MCU: variants seen among roughly 807,000 people sequenced by gnomAD.
MCU encodes the protein calcium uniporter protein, mitochondrial.
In MCU, 12 loss-of-function variants were observed where a neutral mutation model predicts 45.2. The observed-to-expected ratio is 0.27, with a 90% CI of 0.17 to 0.43. MCU has a LOEUF of 0.43. Ranked by LOEUF, MCU falls within the 20% of genes least tolerant of loss-of-function variation. The pLI, the probability that MCU is intolerant of heterozygous loss-of-function variation, is 1.00. For missense variants in MCU, 324 were observed against 436.7 expected (o/e 0.74, Z 2.30); for synonymous variants, 160 against 165.1 (o/e 0.97, Z 0.24).
intron 1 of MCU, among the ~76,000 whole-genome samples, chr10:72,793,054 T>C (rs1421640138): frequency 3.9e-5 from 6 of 152,094 alleles, no homozygotes; most frequent in Admixed American, 6.5e-5. Flanking sequence ...AATTTTTGTA[T>C]TTTTAGTAGA....
rs751912075 is a variant in MCU, at chr10:72,692,187, C to T, written c.36C>T (p.Leu12=). 222 of 1,277,384 alleles carry T rather than the reference C, an allele frequency of 1.7e-4. No individual in the cohort carries two copies. Among genetic ancestry groups the T allele is most frequent in the Non-Finnish European group, 2.1e-4 (216 of 1,005,016 alleles). 79.1% of individuals were successfully genotyped at this position (1,277,384 alleles called of 1,614,324 possible). The part of the protein sequence containing the change: ...AAAAGRSLLL[L]LSSRGGGGGG... ...CCGCAGGTAGATCGCTCCTGCTGCT[C>T]CTCTCCTCTCGGGGCGGCGGCGGCG... Residue 12 remains leucine (L), a synonymous_variant, in exon 1 of 8, where the codon CTC becomes CTT. Transcript: ENST00000373053.
At chr10:72,857,012 T>A (rs1430748708) in intron 2 of MCU, among the ~76,000 whole-genome samples, 8 of 148,216 alleles carry the variant, frequency 5.4e-5, no homozygotes, top group African/African-American at 2.0e-4. Flanking sequence ...AGTGGCACAA[T>A]CATAGCTCAC....
At chr10:72,757,467 T>C (rs1391255219) in intron 1 of MCU, among the ~76,000 whole-genome samples, 1 of 152,174 alleles carries the variant, frequency 6.6e-6, no homozygotes, top group Non-Finnish European at 1.5e-5. Context: ...TCTGTAAAAA[T>C]TGCTAGTTTT....
At chr10:72,794,683 C>T (rs572494415) in intron 1 of MCU, among the ~76,000 whole-genome samples, 1 of 152,230 alleles carries the variant, frequency 6.6e-6, no homozygotes, top group Admixed American at 6.5e-5. Context: ...CAGACCGACA[C>T]CCCCAAATTT....
chr10:72,786,116 A>G (rs978804963), intron 1 of MCU, among the ~76,000 whole-genome samples: 1 of 152,214 alleles, frequency 6.6e-6, no homozygotes, highest in Non-Finnish European at 1.5e-5. Context: ...AGATCATTTC[A>G]TTATATGTGA....
At chr10:72,833,859 GT>G (rs1844914715) in intron 1 of MCU, among the ~76,000 whole-genome samples, 1 of 152,074 alleles carries the variant, frequency 6.6e-6, no homozygotes, top group African/African-American at 2.4e-5. Context: ...GCCTCTCCAG[GT>G]TTTTTAAAAA....
At chr10:72,859,493 C>G in intron 3 of MCU, 146 bp downstream of exon 3, 2 of 613,966 alleles carry the variant, frequency 3.3e-6, no homozygotes, top group Non-Finnish European at 2.7e-6. Context: ...TTAGCACTTA[C>G]CAGGAGAGAA....
At chr10:72,768,679 CTGT>C (rs1666730065) in intron 1 of MCU, among the ~76,000 whole-genome samples, 1 of 152,134 alleles carries the variant, frequency 6.6e-6, no homozygotes, top group African/African-American at 2.4e-5. Flanking sequence ...TTGTAAGACA[CTGT>C]TATTTATTAG....
chr10:72,724,157 A>G (rs117347959), intron 1 of MCU, among the ~76,000 whole-genome samples: 2,239 of 152,326 alleles, frequency 0.015, 31 homozygotes, highest in Middle Eastern at 0.048. Context: ...TTGCATTGCT[A>G]TGGTGAATAA....
chr10:72,737,745 C>T (rs1461577399), intron 1 of MCU, among the ~76,000 whole-genome samples: 1 of 152,164 alleles, frequency 6.6e-6, no homozygotes, highest in East Asian at 1.9e-4. Flanking sequence ...GTCTTGAACT[C>T]CTGGCCTTAA....
chr10:72,862,909 A>T (rs1004065540), intron 4 of MCU, among the ~76,000 whole-genome samples: 25 of 150,714 alleles, frequency 1.7e-4, no homozygotes, highest in Non-Finnish European at 3.3e-4. Flanking sequence ...ACATCTTTTT[A>T]AAAAAAAAGA....
intron 1 of MCU, among the ~76,000 whole-genome samples, chr10:72,718,075 C>T (rs1280851410): frequency 6.6e-6 from 1 of 151,944 alleles, no homozygotes; most frequent in Non-Finnish European, 1.5e-5. Context: ...TAGTTTTTGC[C>T]TAGTGTTCTT....
intron 6 of MCU, among the ~76,000 whole-genome samples, chr10:72,874,214 C>T (rs768237815): frequency 2.6e-5 from 4 of 152,074 alleles, no homozygotes; most frequent in Admixed American, 6.6e-5. Flanking sequence ...CTTTATCAAC[C>T]GAGGCTCCTT....
chr10:72,869,536 C>T (rs1330874826), intron 5 of MCU, among the ~76,000 whole-genome samples: 1 of 152,058 alleles, frequency 6.6e-6, no homozygotes, highest in Non-Finnish European at 1.5e-5. Flanking sequence ...TGCAGTGAGC[C>T]AAAATTGCAC....
chr10:72,754,993 T>G (rs1427479881), intron 1 of MCU, among the ~76,000 whole-genome samples: 1 of 152,178 alleles, frequency 6.6e-6, no homozygotes, highest in Non-Finnish European at 1.5e-5. Context: ...AAGATTTGTA[T>G]TGAATTCCTG....
chr10:72,812,484 G>T (rs1004199771), intron 1 of MCU, among the ~76,000 whole-genome samples: 2 of 152,180 alleles, frequency 1.3e-5, no homozygotes, highest in African/African-American at 4.8e-5. Context: ...ATGAGGTGGA[G>T]ACAGTGGGCA....
intron 1 of MCU, among the ~76,000 whole-genome samples, chr10:72,755,942 C>T (rs1843570074): frequency 6.6e-6 from 1 of 151,826 alleles, no homozygotes; most frequent in Non-Finnish European, 1.5e-5. Flanking sequence ...CTCCCAGGGT[C>T]AAGCAGTCCT....
At chr10:72,823,356 A>C (rs555397535) in intron 1 of MCU, among the ~76,000 whole-genome samples, 28 of 152,340 alleles carry the variant, frequency 1.8e-4, no homozygotes, top group Admixed American at 5.2e-4. Flanking sequence ...TATGCAAATA[A>C]GCATCTGCTG....
intron 1 of MCU, among the ~76,000 whole-genome samples, chr10:72,719,000 A>G (rs1842987184): frequency 6.6e-6 from 1 of 152,150 alleles, no homozygotes; most frequent in Non-Finnish European, 1.5e-5. Context: ...GACAGAGGGT[A>G]TGAAGGGGGC....
Sources: gnomAD v4.1 joint callset for allele counts (sites outside exome capture counted in the v4.1 genomes callset) on GRCh38, gnomAD v4.1.1 for gene constraint, MANE v1.5 for transcripts, NCBI Gene and HGNC (gene_info 2026-07-23, HGNC 2026-07-21) for gene names.